The following FMN2 variants were observed in gnomAD, a reference collection of about 807,000 sequenced individuals.
FMN2 encodes formin-2.
A neutral mutation model predicts 142.3 loss-of-function variants in FMN2; 51 were observed. The ratio of observed to expected loss-of-function variants is 0.36; its 90% confidence interval spans 0.29 to 0.45. The LOEUF (loss-of-function observed/expected upper bound fraction) is 0.45, where lower values mean the gene tolerates loss of function less well. Ranked by LOEUF, FMN2 falls within the 20% of genes least tolerant of loss-of-function variation. The pLI is 1.00. For synonymous variants in FMN2, 882 were observed against 869.8 expected (o/e 1.01, Z -0.25); for missense variants, 1,936 against 2,122.8 (o/e 0.91, Z 1.73).
intron 16 of FMN2, among the ~76,000 whole-genome samples, chr1:240,465,827 A>T (rs1013992719): frequency 3.9e-5 from 6 of 152,222 alleles, no homozygotes; most frequent in African/African-American, 1.4e-4. Flanking sequence ...GGATGAAGAT[A>T]TTCTGTCTGC....
At chr1:240,170,925 A>G in intron 2 of FMN2, 1 of 791,900 alleles carries the variant, frequency 1.3e-6, no homozygotes, top group Non-Finnish European at 2.3e-6. Context: ...CCATCCAGGA[A>G]GTGCTCATTG....
chr1:240,395,207 G>T (rs903044314), intron 15 of FMN2, among the ~76,000 whole-genome samples: 1 of 152,150 alleles, frequency 6.6e-6, no homozygotes, highest in Non-Finnish European at 1.5e-5. Flanking sequence ...TAAACCCATT[G>T]CTGAGACCCA....
intron 6 of FMN2, among the ~76,000 whole-genome samples, chr1:240,235,023 A>T (rs916090689): frequency 2.0e-5 from 3 of 152,202 alleles, no homozygotes; most frequent in African/African-American, 7.2e-5. Flanking sequence ...GTGTATGGCA[A>T]CCAGTATTGC....
At chr1:240,272,870 C>G (rs561563580) in intron 7 of FMN2, among the ~76,000 whole-genome samples, 1 of 152,112 alleles carries the variant, frequency 6.6e-6, no homozygotes, top group South Asian at 2.1e-4. Flanking sequence ...AGCCAAATAC[C>G]TCTGACTACA....
chr1:240,196,275 C>CA (rs1175986962), intron 4 of FMN2, among the ~76,000 whole-genome samples: 1 of 152,130 alleles, frequency 6.6e-6, no homozygotes, highest in African/African-American at 2.4e-5. Flanking sequence ...ATTAAACTCT[C>CA]AAAGTAATTC....
intron 13 of FMN2, among the ~76,000 whole-genome samples, chr1:240,336,255 C>T (rs908790062): frequency 6.6e-6 from 1 of 152,144 alleles, no homozygotes; most frequent in Non-Finnish European, 1.5e-5. Context: ...TAGGTGCCTA[C>T]ATTTGGTAGC....
intron 8 of FMN2, among the ~76,000 whole-genome samples, chr1:240,321,919 A>T (rs576725594): frequency 6.6e-6 from 1 of 152,320 alleles, no homozygotes; most frequent in South Asian, 2.1e-4. Flanking sequence ...AATATGGTAA[A>T]TATCAGTAGC....
intron 7 of FMN2, among the ~76,000 whole-genome samples, chr1:240,283,458 C>T (rs993703822): frequency 1.3e-5 from 2 of 152,116 alleles, no homozygotes; most frequent in Non-Finnish European, 2.9e-5. Context: ...TTTCTGGAGC[C>T]AATAAGGCAA....
At chr1:240,403,821 C>T (rs991076693) in intron 15 of FMN2, among the ~76,000 whole-genome samples, 3 of 152,112 alleles carry the variant, frequency 2.0e-5, no homozygotes, top group African/African-American at 4.8e-5. Context: ...CTCAATGGAT[C>T]TCATAGGATC....
intron 16 of FMN2, among the ~76,000 whole-genome samples, chr1:240,445,734 T>G (rs901229089): frequency 7.0e-6 from 1 of 142,724 alleles, no homozygotes; most frequent in Non-Finnish European, 1.5e-5. Flanking sequence ...GAAAATAACC[T>G]TATATGATAC....
chr1:240,115,050 T>A (rs1354890192), intron 1 of FMN2, among the ~76,000 whole-genome samples: 1 of 152,230 alleles, frequency 6.6e-6, no homozygotes, highest in Non-Finnish European at 1.5e-5. Context: ...ATACAGTTCT[T>A]TCTAGAAAGG....
At chr1:240,186,899 T>G (rs1665479049) in intron 3 of FMN2, among the ~76,000 whole-genome samples, 1 of 151,234 alleles carries the variant, frequency 6.6e-6, no homozygotes, top group Non-Finnish European at 1.5e-5. Context: ...ACTAAATGCC[T>G]TTTATTTTTC....
chr1:240,304,576 A>G (rs1224441106), intron 8 of FMN2, among the ~76,000 whole-genome samples: 3 of 152,238 alleles, frequency 2.0e-5, no homozygotes, highest in Non-Finnish European at 4.4e-5. Context: ...TGGAAAAAAG[A>G]GGGCTCTGGC....
At chr1:240,123,112 TC>T (rs1662348469) in intron 1 of FMN2, 66 bp from the exon 2 acceptor site, 1 of 1,568,372 alleles carries the variant, frequency 6.4e-7, no homozygotes, top group East Asian at 2.2e-5. Context: ...CCAGCCGCTG[TC>T]CCCTGGCGAG....
intron 6 of FMN2, among the ~76,000 whole-genome samples, chr1:240,232,400 A>C (rs1391306462): frequency 6.6e-6 from 1 of 151,970 alleles, no homozygotes; most frequent in African/African-American, 2.4e-5. Flanking sequence ...TCTTTTTCTT[A>C]ATTTGAAATT....
At chr1:240,221,687 C>G (rs1667121008) in intron 6 of FMN2, among the ~76,000 whole-genome samples, 1 of 151,988 alleles carries the variant, frequency 6.6e-6, no homozygotes, top group African/African-American at 2.4e-5. Flanking sequence ...TGTCGGTTGC[C>G]TGTTCACTCT....
chr1:240,306,547 A>G (rs764436071), intron 8 of FMN2, among the ~76,000 whole-genome samples: 1 of 152,214 alleles, frequency 6.6e-6, no homozygotes, highest in Non-Finnish European at 1.5e-5. Context: ...AACAGTCTCT[A>G]GCTGCATCCA....
Position 240,329,186 on chromosome 1 carries a change from C to A in FMN2, c.4307+19C>A, listed in dbSNP as rs1671296466. The A allele has an allele frequency of 6.2e-7, 1 of 1,613,432 alleles. No individual in the cohort carries two copies. The highest frequency in any genetic ancestry group is 8.5e-7 in the Non-Finnish European group (1 of 1,179,692). ...CTGAACAGTAAGCATGTCTTATAAC[C>A]ACGTAGAGGGCGTCCAGGCTATGGG... On this transcript the variant is annotated intron_variant, in intron 9 of 17. Transcript: ENST00000319653.
intron 14 of FMN2, among the ~76,000 whole-genome samples, chr1:240,391,356 G>A (rs373539841): frequency 6.6e-5 from 10 of 152,070 alleles, no homozygotes; most frequent in African/African-American, 1.7e-4. Flanking sequence ...AGCCTAAGCC[G>A]TACTATTGTG....
Sources: allele counts gnomAD v4.1 joint callset (sites outside exome capture counted in the v4.1 genomes callset), GRCh38; gene constraint gnomAD v4.1.1; transcripts MANE v1.5; gene names NCBI Gene and HGNC (gene_info 2026-07-23, HGNC 2026-07-21).